Variants in CEP164 observed in about 807,000 individuals in gnomAD.
The protein encoded by CEP164 is centrosomal protein of 164 kDa.
A neutral mutation model predicts 182.7 loss-of-function variants in CEP164; 162 were observed. The observed-to-expected ratio is 0.89, with a 90% confidence interval of 0.78 to 1.01. The LOEUF is 1.01. CEP164 is among the 50% of genes least tolerant of loss of function. CEP164 has a pLI of 0.00. For synonymous variants in CEP164, 661 were observed against 690.0 expected, an observed-to-expected ratio of 0.96 and a Z score of 0.66; for missense variants, 1,735 against 1,790.4, an observed-to-expected ratio of 0.97 and a Z score of 0.56.
chr11:117,390,879 C>T lies in CEP164; in HGVS notation c.2037C>T (p.Ser679=). The stretch of plus-strand genomic sequence containing the variant: ...CCTGGCTCCGAGCTCAGGTCCAGTC[C>T]AGCACACAAGCAGATGAGGACCAAA... The part of the protein sequence containing the change: ...RLSWLRAQVQ[S]STQADEDQIR... The change falls in exon 16 of 33, where the codon TCC becomes TCT. Residue 679 remains serine (S), a synonymous_variant. Coordinates refer to ENST00000278935, the MANE Select transcript of CEP164 (RefSeq NM_014956.5). 1 of 1,613,752 alleles carries T rather than the reference C, an allele frequency of 6.2e-7. No homozygotes were observed. Among genetic ancestry groups the T allele is most frequent in the African/African-American group, 1.3e-5 (1 of 74,894 alleles).
intron 27 of CEP164, 149 bp from the exon 28 acceptor site, chr11:117,407,776 G>C (rs550589933): frequency 5.3e-6 from 3 of 562,134 alleles, no homozygotes; most frequent in Admixed American, 3.0e-5. Flanking sequence ...TAATTCTTAC[G>C]ACCCTGTGAA....
chr11:117,376,620 G>A (rs1187378363), intron 11 of CEP164, among the ~76,000 whole-genome samples: 1 of 148,038 alleles, frequency 6.8e-6, no homozygotes, highest in East Asian at 1.9e-4. Flanking sequence ...TTAGTGAAAT[G>A]TGTGCTAGAG....
intron 17 of CEP164, 26 bp downstream of exon 17, chr11:117,391,241 C>T: frequency 1.9e-6 from 3 of 1,581,592 alleles, no homozygotes; most frequent in African/African-American, 2.7e-5. Context: ...GGGGACCTCA[C>T]CCTCTGACCT....
At chr11:117,346,896 A>G (rs577173478) in intron 4 of CEP164, among the ~76,000 whole-genome samples, 4 of 152,122 alleles carry the variant, frequency 2.6e-5, no homozygotes, top group East Asian at 3.9e-4. Flanking sequence ...AAATGTAGGT[A>G]TATATATATT....
At chr11:117,355,191 A>C in intron 5 of CEP164, 1 of 1,289,882 alleles carries the variant, frequency 7.8e-7, no homozygotes, top group Admixed American at 2.3e-5. Context: ...GACATGGAGA[A>C]AATCTTAGGC....
At chr11:117,348,067 T>G (rs1034890659) in intron 4 of CEP164, among the ~76,000 whole-genome samples, 11 of 152,050 alleles carry the variant, frequency 7.2e-5, no homozygotes, top group Non-Finnish European at 1.6e-4. Flanking sequence ...CCTCCCGGGT[T>G]CAAGCGATCC....
chr11:117,377,162 A>G (rs2042837798), intron 11 of CEP164, among the ~76,000 whole-genome samples: 1 of 145,074 alleles, frequency 6.9e-6, no homozygotes, highest in Non-Finnish European at 1.5e-5. Context: ...GGCATCAGGG[A>G]CCAGTTTCTT....
chr11:117,340,975 C>T (rs895201270), intron 3 of CEP164, among the ~76,000 whole-genome samples: 12 of 151,956 alleles, frequency 7.9e-5, no homozygotes, highest in African/African-American at 1.9e-4. Context: ...TACAGGTGCA[C>T]GCCACCACAC....
Position 117,412,258 on chromosome 11 carries a change from G to A in CEP164, c.*90G>A, listed in dbSNP as rs1418819210. 5.0e-6 allele frequency: 6 copies of A among 1,197,364 alleles called. 1 individual carries two copies. The highest frequency in any genetic ancestry group is 7.1e-6 in the Non-Finnish European group (6 of 846,472). 74.2% of individuals were successfully genotyped at this position (1,197,364 alleles called of 1,614,324 possible). A position where few individuals can be genotyped will look rare whatever the true frequency, so the allele number is the denominator to read the frequency against. ...TGCCTGCCTTCTTCCATCTGAGAAA[G>A]CACCCTCCTTCCCCCTTTGACTTGC... On this transcript the variant is annotated 3_prime_UTR_variant, in exon 33 of 33. Transcript: ENST00000278935.
intron 5 of CEP164, among the ~76,000 whole-genome samples, chr11:117,353,084 C>A (rs1297624166): frequency 1.3e-5 from 2 of 152,090 alleles, no homozygotes; most frequent in African/African-American, 2.4e-5. Context: ...GGTCCCTTTC[C>A]CCAGGCCTGG....
chr11:117,376,486 T>C (rs999061955), intron 11 of CEP164, among the ~76,000 whole-genome samples: 1 of 152,230 alleles, frequency 6.6e-6, no homozygotes, highest in African/African-American at 2.4e-5. Context: ...CTTTGTGGAT[T>C]GGTTAGAAGA....
At chr11:117,403,805 T>A (rs139132354) in intron 27 of CEP164, among the ~76,000 whole-genome samples, 2,746 of 152,262 alleles carry the variant, frequency 0.018, 68 homozygotes, top group South Asian at 0.077. Context: ...CAAACGTAGA[T>A]TTGGTCTTTT....
chr11:117,337,363 TTTAA>T (rs1341935597), intron 2 of CEP164, among the ~76,000 whole-genome samples: 1 of 152,074 alleles, frequency 6.6e-6, no homozygotes, highest in African/African-American at 2.4e-5. Flanking sequence ...CTCATTTAAC[TTTAA>T]TTACCTCCTA....
At position 117,396,575 on chromosome 11, in the gene CEP164, C is replaced by T. The variant is rs201488532; in HGVS notation, c.3242C>T (p.Ser1081Phe). 1.2e-6 allele frequency: 2 copies of T among 1,613,824 alleles called. No individual in the cohort carries two copies. The highest frequency in any genetic ancestry group is 1.7e-5 in the Admixed American group (1 of 60,032). ...AACCAGACCAAAGAGGTGTCTTCTT[C>T]TCTCTCCCAGAGCAAGGAGGACTTA... is the stretch of plus-strand genomic sequence containing the variant. ...GTNQTKEVSS[S>F]LSQSKEDLYL... The change falls in exon 26 of 33, where the codon TCT (serine) becomes TTT (phenylalanine). Residue 1081 changes from serine to phenylalanine, a missense_variant. Ser to Phe is a radical substitution (Grantham distance 155). Transcript: ENST00000278935.
At chr11:117,342,873 T>C (rs977228839) in intron 3 of CEP164, among the ~76,000 whole-genome samples, 1 of 151,958 alleles carries the variant, frequency 6.6e-6, no homozygotes, top group Non-Finnish European at 1.5e-5. Flanking sequence ...ACAACAAAAT[T>C]TTTGTTTGTT....
intron 8 of CEP164, among the ~76,000 whole-genome samples, chr11:117,370,036 A>G (rs978591899): frequency 2.6e-5 from 4 of 152,226 alleles, no homozygotes; most frequent in African/African-American, 9.6e-5. Context: ...ATTTCTGCAG[A>G]TATGGGACTC....
At chr11:117,367,776 G>A (rs1035778601) in intron 8 of CEP164, among the ~76,000 whole-genome samples, 2 of 152,148 alleles carry the variant, frequency 1.3e-5, no homozygotes, top group African/African-American at 4.8e-5. Flanking sequence ...CCTAGTACCC[G>A]TTAGTTATTT....
In CEP164 at chr11:117,411,834, C is replaced by G. The variant is rs544976647; in HGVS notation, c.4203C>G (p.Val1401=). The G allele has an allele frequency of 1.9e-6, 3 of 1,614,032 alleles. No homozygotes were observed. Among genetic ancestry groups the G allele is most frequent in the Admixed American group, 3.3e-5 (2 of 60,004 alleles). ...TCCTACAGCACTCCCATTCGCAAGT[C>G]CCTGAGGCGGGCAGCACCACCTTTC... ...LRLLQHSHSQ[V]PEAGSTTFQG... is the part of the protein sequence containing the mutation. The change falls in exon 32 of 33, where the codon GTC becomes GTG. Residue 1401 remains valine (V), a synonymous_variant. Coordinates refer to ENST00000278935, the MANE Select transcript of CEP164 (RefSeq NM_014956.5). The surrounding 1 kb of genome is among the most constrained non-coding windows in gnomAD (Gnocchi z 4.4).
At chr11:117,375,102 G>C (rs367737596) in intron 10 of CEP164, among the ~76,000 whole-genome samples, 66 of 152,340 alleles carry the variant, frequency 4.3e-4, no homozygotes, top group South Asian at 1.5e-3. Context: ...GGGATGGAAC[G>C]AGCTGGAAAG....
Sources: allele counts gnomAD v4.1 joint callset (sites outside exome capture counted in the v4.1 genomes callset), GRCh38; gene constraint gnomAD v4.1.1; non-coding constraint Gnocchi (gnomAD v3.1); transcripts MANE v1.5; gene names NCBI Gene and HGNC (gene_info 2026-07-23, HGNC 2026-07-21).